Variants in PDE4B observed in about 807,000 individuals in gnomAD.
PDE4B encodes the protein 3',5'-cyclic-AMP phosphodiesterase 4B.
PDE4B carries 20 observed loss-of-function variants against 82.2 expected under a neutral mutation model. The ratio of observed to expected loss-of-function variants is 0.24; its 90% CI spans 0.17 to 0.35. The LOEUF is 0.35. PDE4B is among the 10% of genes least tolerant of loss of function. The pLI, the probability that PDE4B is intolerant of heterozygous loss-of-function variation, is 1.00. For synonymous variants in PDE4B, 320 were observed against 318.9 expected (o/e 1.00, Z -0.04); for missense variants, 655 against 907.2 (o/e 0.72, Z 3.57).
intron 3 of PDE4B, among the ~76,000 whole-genome samples, chr1:65,936,641 G>T (rs1648155172): frequency 6.6e-6 from 1 of 152,086 alleles, no homozygotes; most frequent in African/African-American, 2.4e-5. Flanking sequence ...GAGTGTCTAG[G>T]GTAGGACCTA....
intron 9 of PDE4B, among the ~76,000 whole-genome samples, chr1:66,358,770 T>A (rs1283291482): frequency 6.6e-6 from 1 of 151,658 alleles, no homozygotes; most frequent in Non-Finnish European, 1.5e-5. Context: ...AATAAGAAGA[T>A]CTTAGCAATT....
intron 7 of PDE4B, among the ~76,000 whole-genome samples, chr1:66,280,445 G>A (rs1397639055): frequency 2.0e-5 from 3 of 152,188 alleles, no homozygotes; most frequent in African/African-American, 7.2e-5. Context: ...TCAATGGAGG[G>A]AAATATCTTT....
chr1:66,250,888 C>T (rs1570557694), intron 4 of PDE4B, among the ~76,000 whole-genome samples: 2 of 152,138 alleles, frequency 1.3e-5, no homozygotes, highest in African/African-American at 2.4e-5. Context: ...AAGCCTTACA[C>T]AGACAAGAAG....
intron 3 of PDE4B, among the ~76,000 whole-genome samples, chr1:65,985,617 A>G (rs1343417608): frequency 6.6e-6 from 1 of 152,164 alleles, no homozygotes; most frequent in Admixed American, 6.5e-5. Context: ...TGGGAACTGG[A>G]GTACCCTCTT....
In PDE4B at chr1:66,314,529, C is replaced by T. The variant is rs1658887316; in HGVS notation, c.635-17979C>T. ...CCAGGTTCAAGCAATTCTCCTACCT[C>T]AGTCTACTGAGTAGCCGGGATTACA... On this transcript the variant is annotated intron_variant, in intron 7 of 16. Transcript: ENST00000341517. Among the ~76,000 whole-genome samples the T allele has an allele frequency of 3.3e-5, 5 of 152,348 alleles. No individual in the cohort carries two copies. In the South Asian group the frequency reaches 1.0e-3, roughly 32 times the overall value.
rs536329210 is a variant in PDE4B, at chr1:65,906,593, T to A, written c.-70-6652T>A. ...TAGTATATACTGCAGGGAAATTCAC[T>A]AACAAATTCATTGAGGCATTATTTA... On this transcript the variant is annotated intron_variant, in intron 1 of 16. Coordinates refer to ENST00000341517, the MANE Select transcript of PDE4B (RefSeq NM_002600.4). 6.6e-4 allele frequency among the ~76,000 whole-genome samples: 101 copies of A among 152,260 alleles called. 2 individuals carry two copies. The highest frequency in any genetic ancestry group is 2.0e-3 in the African/African-American group (84 of 41,564).
intron 7 of PDE4B, among the ~76,000 whole-genome samples, chr1:66,298,493 T>G (rs1261423389): frequency 6.6e-6 from 1 of 152,122 alleles, no homozygotes; most frequent in Non-Finnish European, 1.5e-5. Flanking sequence ...TATGGGGGAT[T>G]TTATTGCATT....
intron 3 of PDE4B, among the ~76,000 whole-genome samples, chr1:66,192,174 A>C (rs1381562328): frequency 6.6e-6 from 1 of 152,104 alleles, no homozygotes; most frequent in African/African-American, 2.4e-5. Context: ...TGTGTCCAAA[A>C]CTGTTCTATC....
In PDE4B at chr1:66,372,775, A is replaced by G. The variant is rs2050831056; in HGVS notation, c.*97A>G. 1 of 1,266,602 alleles carries G rather than the reference A, an allele frequency of 7.9e-7. No homozygotes were observed. Among genetic ancestry groups the G allele is most frequent in the African/African-American group, 1.5e-5 (1 of 66,718 alleles). The allele number at this position is 1,266,602 out of a possible 1,614,324, so 78.5% of individuals were successfully genotyped here. A position where few individuals can be genotyped will look rare whatever the true frequency, so the allele number is the denominator to read the frequency against. ...CCATGGGGGCCAAGACCTGCACAGG[A>G]CAAGGGCCACCTGGCCTTTCAGTTA... On this transcript the variant is annotated 3_prime_UTR_variant, in exon 17 of 17. Coordinates refer to ENST00000341517, the MANE Select transcript of PDE4B (RefSeq NM_002600.4).
chr1:66,372,735 G>T lies in PDE4B; in HGVS notation c.*57G>T. On this transcript the variant is annotated 3_prime_UTR_variant, in exon 17 of 17. Coordinates refer to ENST00000341517, the MANE Select transcript of PDE4B (RefSeq NM_002600.4). ...TCCTTGATGAGCATGCCAGCTATGT[G>T]GTAGGGCCAGCCCACCATGGGGGCC... The T allele has an allele frequency of 6.4e-7, 1 of 1,552,164 alleles. No individual in the cohort carries two copies. The highest frequency in any genetic ancestry group is 2.3e-5 in the East Asian group (1 of 44,390).
rs74702367 is a variant in PDE4B, at chr1:66,269,345, C to A, written c.634+3258C>A. Among the ~76,000 whole-genome samples, 583 of 152,272 alleles carry A rather than the reference C, an allele frequency of 3.8e-3. 2 individuals carry two copies. Among genetic ancestry groups the A allele is most frequent in the African/African-American group, 0.014 (562 of 41,542 alleles). ...AAGCCCAGAAAGAACAACGAGGAAG[C>A]CATATGCTCCCAGGTTGAGGAGAAA... On this transcript the variant is annotated intron_variant, in intron 7 of 16. Coordinates refer to ENST00000341517, the MANE Select transcript of PDE4B (RefSeq NM_002600.4).
intron 3 of PDE4B, among the ~76,000 whole-genome samples, chr1:65,934,311 A>G (rs562642648): frequency 1.1e-3 from 167 of 152,106 alleles, no homozygotes; most frequent in African/African-American, 3.9e-3. Flanking sequence ...AAATTAGTTG[A>G]GCATGGTGGC....
intron 3 of PDE4B, among the ~76,000 whole-genome samples, chr1:66,032,141 TG>T (rs1197139472): frequency 6.6e-6 from 1 of 152,158 alleles, no homozygotes; most frequent in East Asian, 1.9e-4. Context: ...TCAGTATAAG[TG>T]GGGAGAAAAT....
intron 3 of PDE4B, among the ~76,000 whole-genome samples, chr1:66,150,145 A>T (rs548709924): frequency 6.6e-6 from 1 of 152,286 alleles, no homozygotes; most frequent in South Asian, 2.1e-4. Context: ...ACACTGTCTT[A>T]TAACTAAGAC....
At chr1:65,948,439 C>G (rs1440990203) in intron 3 of PDE4B, among the ~76,000 whole-genome samples, 2 of 151,896 alleles carry the variant, frequency 1.3e-5, no homozygotes, top group African/African-American at 4.8e-5. Flanking sequence ...AACTTGGAGT[C>G]TGATGTTCAA....
intron 4 of PDE4B, 72 bp from the exon 5 acceptor site, chr1:66,257,575 A>T: frequency 1.5e-6 from 2 of 1,298,740 alleles, no homozygotes; most frequent in Non-Finnish European, 2.2e-6. Flanking sequence ...ATAAAATTTA[A>T]TATTATAGCT....
intron 1 of PDE4B, among the ~76,000 whole-genome samples, chr1:65,889,898 T>G (rs1464238559): frequency 6.6e-6 from 1 of 152,158 alleles, no homozygotes; most frequent in Non-Finnish European, 1.5e-5. Context: ...TACACACTTC[T>G]TCCTATTGTG....
chr1:65,999,508 G>A (rs375566642), intron 3 of PDE4B, among the ~76,000 whole-genome samples: 1 of 152,048 alleles, frequency 6.6e-6, no homozygotes. Flanking sequence ...ATGTTAACAC[G>A]GTTTCTCCTT....
At chr1:66,169,251 G>T (rs141282107) in intron 3 of PDE4B, among the ~76,000 whole-genome samples, 3 of 152,274 alleles carry the variant, frequency 2.0e-5, no homozygotes, top group Non-Finnish European at 4.4e-5. Flanking sequence ...ATACTGTTGT[G>T]TCGGGTTAAT....
Sources: gnomAD v4.1 joint callset for allele counts (sites outside exome capture counted in the v4.1 genomes callset) on GRCh38, gnomAD v4.1.1 for gene constraint, MANE v1.5 for transcripts, NCBI Gene and HGNC (gene_info 2026-07-23, HGNC 2026-07-21) for gene names.